Variants in YLPM1 observed in about 807,000 individuals in gnomAD.
YLPM1 encodes YLP motif-containing protein 1.
A neutral mutation model predicts 230.0 loss-of-function variants in YLPM1; 99 were observed. The observed-to-expected ratio is 0.43, with a 90% CI of 0.37 to 0.51. The LOEUF is 0.51. Ranked by LOEUF, YLPM1 falls within the 20% of genes least tolerant of loss-of-function variation. The probability of loss-of-function intolerance (pLI) is 0.00; values close to 1 mark genes in which losing one functional copy is unlikely to be tolerated. For missense variants in YLPM1, 2,592 were observed against 2,707.7 expected (o/e 0.96, Z 0.95); for synonymous variants, 984 against 942.5 (o/e 1.04, Z -0.81).
At chr14:74,817,880 C>A (rs2091491668) in intron 15 of YLPM1, among the ~76,000 whole-genome samples, 1 of 151,734 alleles carries the variant, frequency 6.6e-6, no homozygotes, top group South Asian at 2.1e-4. Context: ...CATGGCGAAA[C>A]CCTGTCTCTA....
At chr14:74,774,922 G>C (rs1441914988) in intron 1 of YLPM1, among the ~76,000 whole-genome samples, 1 of 152,186 alleles carries the variant, frequency 6.6e-6, no homozygotes, top group African/African-American at 2.4e-5. Context: ...CATCACAAGA[G>C]AGTATCATAC....
Position 74,798,851 on chromosome 14 carries a change from G to C in YLPM1, c.3554G>C (p.Arg1185Pro). 1 of 1,613,882 alleles carries C rather than the reference G, an allele frequency of 6.2e-7. No homozygotes were observed. The highest frequency in any genetic ancestry group is 8.5e-7 in the Non-Finnish European group (1 of 1,179,874). Residue 1185 changes from arginine (R) to proline (P), a missense_variant, in exon 5 of 21, where the codon CGG becomes CCG. Physicochemically the swap from Arg to Pro is moderately radical, Grantham distance 103. This residue lies in a region of YLPM1 where 1,862 missense variants were observed against 1,819.8 expected (regional missense o/e 1.02). Transcript: ENST00000325680. ...DGGEKMYPYH[R>P]DEPPRAPWNH... The stretch of plus-strand genomic sequence containing the variant: ...GGGGAAAAAATGTATCCATATCACC[G>C]GGATGAGCCTCCTAGGGCTCCATGG...
Position 74,811,625 on chromosome 14 carries a change from A to C in YLPM1, c.5234A>C (p.Gln1745Pro), listed in dbSNP as rs1160215720. 6.2e-7 allele frequency: 1 copy of C among 1,607,926 alleles called. No homozygotes were observed. The highest frequency in any genetic ancestry group is 8.5e-7 in the Non-Finnish European group (1 of 1,177,718). Reference sequence around the variant, plus strand: ...CTTCCTATTACACCTTCTAGAGCTCAGTCATATCGAGACAAAAAAGACCAT... The same window carrying C: ...CTTCCTATTACACCTTCTAGAGCTCCGTCATATCGAGACAAAAAAGACCAT... ...RERRPRDDRA[Q>P]SYRDKKDHSS... Residue 1745 changes from glutamine to proline, a missense_variant, in exon 10 of 21, where the codon CAG becomes CCG. Transcript: ENST00000325680.
chr14:74,784,281 T>C (rs1226680488), intron 4 of YLPM1, among the ~76,000 whole-genome samples: 6 of 152,210 alleles, frequency 3.9e-5, no homozygotes, highest in Admixed American at 2.6e-4. Context: ...CAGAAGAAAA[T>C]AACTTCTCAA....
chr14:74,793,375 C>T (rs1594822052), intron 4 of YLPM1, among the ~76,000 whole-genome samples: 2 of 152,180 alleles, frequency 1.3e-5, no homozygotes, highest in East Asian at 1.9e-4. Context: ...TCCTGAGATA[C>T]TTTAACTTCT....
At chr14:74,764,626 G>A (rs893842696) in intron 1 of YLPM1, among the ~76,000 whole-genome samples, 1 of 152,162 alleles carries the variant, frequency 6.6e-6, no homozygotes, top group Non-Finnish European at 1.5e-5. Context: ...TACATTCCTT[G>A]GTTTCTTTGA....
At chr14:74,772,522 C>A (rs1420054425) in intron 1 of YLPM1, among the ~76,000 whole-genome samples, 1 of 152,012 alleles carries the variant, frequency 6.6e-6, no homozygotes, top group African/African-American at 2.4e-5. Context: ...CCACACCCAG[C>A]TAAGTTTTGT....
chr14:74,831,881 A>T (rs2091610775), intron 19 of YLPM1, among the ~76,000 whole-genome samples: 1 of 152,232 alleles, frequency 6.6e-6, no homozygotes, highest in African/African-American at 2.4e-5. Context: ...AGAGTTGGTT[A>T]TATTAGAATT....
intron 1 of YLPM1, among the ~76,000 whole-genome samples, chr14:74,769,831 C>T (rs2090956478): frequency 1.3e-5 from 2 of 150,374 alleles, no homozygotes; most frequent in African/African-American, 2.5e-5. Flanking sequence ...TCAAGGCCAG[C>T]CTGGGCAACA....
At chr14:74,829,101 A>T (rs2140145137) in intron 18 of YLPM1, 112 bp from the exon 19 acceptor site, 1 of 1,314,076 alleles carries the variant, frequency 7.6e-7, no homozygotes, top group East Asian at 2.4e-5. Flanking sequence ...TGCTGCACTC[A>T]AAAATGTGGA....
chr14:74,824,845 A>G (rs2091550361), intron 18 of YLPM1, among the ~76,000 whole-genome samples: 1 of 152,128 alleles, frequency 6.6e-6, no homozygotes, highest in Non-Finnish European at 1.5e-5. Context: ...GTTAATGCCA[A>G]ATTCCAAGGT....
chr14:74,770,880 T>C (rs899869936), intron 1 of YLPM1, among the ~76,000 whole-genome samples: 1 of 152,144 alleles, frequency 6.6e-6, no homozygotes, highest in Non-Finnish European at 1.5e-5. Context: ...GCAAGAGTGA[T>C]TTAGAGAGAA....
chr14:74,800,020 G>T (rs760631892), intron 5 of YLPM1, among the ~76,000 whole-genome samples: 1 of 152,210 alleles, frequency 6.6e-6, no homozygotes, highest in Non-Finnish European at 1.5e-5. Flanking sequence ...CAGGGTTCAT[G>T]TGTAACCTTC....
intron 1 of YLPM1, 52 bp from the exon 2 acceptor site, chr14:74,778,395 G>A (rs527938375): frequency 1.3e-6 from 2 of 1,493,364 alleles, no homozygotes; most frequent in Middle Eastern, 1.7e-4. Flanking sequence ...ACACCAAGTT[G>A]CAGAGATACA....
Position 74,799,027 on chromosome 14 carries a change from A to C in YLPM1, c.3730A>C (p.Arg1244=). 6.2e-7 allele frequency: 1 copy of C among 1,614,020 alleles called. No homozygotes were observed. Among genetic ancestry groups the C allele is most frequent in the South Asian group, 1.1e-5 (1 of 91,072 alleles). ...AGATGATACACTAGAGCTCTATAAC[A>C]GAGAGGACAGGTTCTCAGCACCACC... ...YQDDTLELYN[R]EDRFSAPPSR... is the part of the protein sequence containing the mutation. Residue 1244 remains arginine (R), a synonymous_variant, in exon 5 of 21, where the codon AGA becomes CGA. Coordinates refer to ENST00000325680, the MANE Select transcript of YLPM1 (RefSeq NM_019589.3).
chr14:74,827,533 T>C (rs985168013), intron 18 of YLPM1: 146 of 985,354 alleles, frequency 1.5e-4, no homozygotes, highest in Non-Finnish European at 1.7e-4. Flanking sequence ...TCCTGTCATA[T>C]ATACCCAGTG....
Position 74,781,939 on chromosome 14 carries a change from A to G in YLPM1, c.1896A>G (p.Gly632=). 1 of 1,613,662 alleles carries G rather than the reference A, an allele frequency of 6.2e-7. No homozygotes were observed. ...TGTCTTCAGCTACACCTCCTCCAGG[A>G]ATACCTCCCCCTGGAGTTCCACAAG... ...PPLSSATPPP[G]IPPPGVPQGI... Residue 632 remains glycine, a synonymous_variant, in exon 4 of 21, where the codon GGA becomes GGG. Coordinates refer to ENST00000325680, the MANE Select transcript of YLPM1 (RefSeq NM_019589.3).
intron 2 of YLPM1, among the ~76,000 whole-genome samples, chr14:74,779,431 C>G (rs1445956287): frequency 1.4e-4 from 21 of 152,144 alleles, no homozygotes; most frequent in Admixed American, 1.4e-3. Context: ...TAGAGGTATT[C>G]AAGCATTAAA....
chr14:74,830,479 G>A (rs2091600291), intron 19 of YLPM1, among the ~76,000 whole-genome samples: 1 of 152,176 alleles, frequency 6.6e-6, no homozygotes, highest in African/African-American at 2.4e-5. Flanking sequence ...AGCATATACA[G>A]AACTACCATT....
Sources: allele counts gnomAD v4.1 joint callset (sites outside exome capture counted in the v4.1 genomes callset), GRCh38; gene constraint gnomAD v4.1.1; regional missense constraint gnomAD v4.1.1; transcripts MANE v1.5; gene names NCBI Gene and HGNC (gene_info 2026-07-23, HGNC 2026-07-21).